EYS: variants seen among roughly 807,000 people sequenced by gnomAD.
EYS encodes the protein protein eyes shut homolog.
A neutral mutation model predicts 282.1 loss-of-function variants in EYS; 250 were observed. That is an observed-to-expected ratio of 0.89 (90% CI 0.80 to 0.98). EYS has a LOEUF of 0.98. Ranked by LOEUF, EYS falls within the 50% of genes least tolerant of loss-of-function variation. The pLI is 0.00. For missense variants in EYS, 4,016 were observed against 3,709.0 expected, an observed-to-expected ratio of 1.08 and a Z score of -2.15; for synonymous variants, 1,355 against 1,282.9, an observed-to-expected ratio of 1.06 and a Z score of -1.20.
rs115966462 is a variant in EYS at position 64,772,224 on chromosome 6, C to T, written c.3443+41154G>A. Among the ~76,000 whole-genome samples, 598 of 151,814 alleles carry T rather than the reference C, an allele frequency of 3.9e-3. 6 individuals are homozygous for T. The highest frequency in any genetic ancestry group is 0.014 in the African/African-American group (581 of 41,492). On this transcript the variant is annotated intron_variant, in intron 22 of 42. Transcript: ENST00000503581. ...TGGGGTAGACTTTCATACATTCTCT[C>T]CTATATCAGCTGTCCTGTTTAGCAT...
rs535326581 is a variant in EYS at position 65,558,473 on chromosome 6, A to C, written c.-332-62480T>G. On this transcript the variant is annotated intron_variant, in intron 2 of 42. Transcript: ENST00000503581. ...GCAGGGGGTTTCCCAGGATCCCAAG[A>C]GCACAAGGATATCTGGGTCAGGAGC... 2.0e-5 allele frequency among the ~76,000 whole-genome samples: 3 copies of C among 152,258 alleles called. No individual in the cohort carries two copies. In the South Asian group the frequency reaches 6.2e-4, roughly 32 times the overall value.
intron 26 of EYS, among the ~76,000 whole-genome samples, chr6:64,557,061 C>T (rs949426192): frequency 4.6e-5 from 7 of 151,660 alleles, no homozygotes; most frequent in African/African-American, 1.5e-4. Context: ...ATAACAATAC[C>T]TTTTTAAGTA....
intron 22 of EYS, among the ~76,000 whole-genome samples, chr6:64,729,663 A>G (rs969224411): frequency 6.6e-6 from 1 of 152,222 alleles, no homozygotes; most frequent in Non-Finnish European, 1.5e-5. Flanking sequence ...AGTTTGGTAT[A>G]AAAGTAATCA....
intron 2 of EYS, among the ~76,000 whole-genome samples, chr6:65,564,243 G>A (rs1465232891): frequency 6.6e-6 from 1 of 152,002 alleles, no homozygotes; most frequent in East Asian, 1.9e-4. Flanking sequence ...AGTAATCATT[G>A]ACTTTCTTCA....
chr6:65,449,518 G>A (rs1019228687), intron 5 of EYS, among the ~76,000 whole-genome samples: 2 of 152,020 alleles, frequency 1.3e-5, no homozygotes, highest in Non-Finnish European at 2.9e-5. Flanking sequence ...ATTAAGGTTA[G>A]TATACATTGT....
intron 31 of EYS, among the ~76,000 whole-genome samples, chr6:64,120,357 T>TAAAAAAAA (rs34632243): frequency 3.9e-5 from 3 of 76,760 alleles, no homozygotes; most frequent in African/African-American, 1.2e-4. Flanking sequence ...CTCCATCTCT[T>TAAAAAAAA]AAAAAAAAAA....
rs546429764 is a variant in EYS at position 64,878,251 on chromosome 6, T to C, written c.2992+8446A>G. Among the ~76,000 whole-genome samples, 31 of 151,950 alleles carry C rather than the reference T, an allele frequency of 2.0e-4. No individual in the cohort carries two copies. In the East Asian group the frequency reaches 5.6e-3, roughly 28 times the overall value. On this transcript the variant is annotated intron_variant, in intron 19 of 42. Transcript: ENST00000503581. The stretch of plus-strand genomic sequence containing the variant: ...AAAAAAGAAAATATGATAATAATAA[T>C]GGAGAGAATCCATACAGCAGTAGGG...
In EYS at chr6:65,691,098, G is replaced by A. The variant is rs957820002; in HGVS notation, c.-448+16037C>T. 2.3e-4 allele frequency among the ~76,000 whole-genome samples: 34 copies of A among 150,142 alleles called. 1 individual carries two copies. Among genetic ancestry groups the A allele is most frequent in the African/African-American group, 8.0e-4 (33 of 41,142 alleles). On this transcript the variant is annotated intron_variant, in intron 1 of 42. Transcript: ENST00000503581. The stretch of plus-strand genomic sequence containing the variant: ...TTTATAATCCTTTGGGTATATCCTA[G>A]TAATGGGATCACTGGGTCAAATGGT...
intron 12 of EYS, among the ~76,000 whole-genome samples, chr6:65,267,790 C>A (rs1482099336): frequency 4.6e-5 from 7 of 151,848 alleles, no homozygotes; most frequent in Admixed American, 3.3e-4. Flanking sequence ...AACAAACAAG[C>A]AAATGGAAAT....
chr6:63,720,892 CATGGTGCCAT>C lies in EYS; in HGVS notation c.9129_9138del (p.Trp3044Ter). 1 of 1,550,906 alleles carries C rather than the reference CATGGTGCCAT, an allele frequency of 6.4e-7. No homozygotes were observed. The highest frequency in any genetic ancestry group is 8.7e-7 in the Non-Finnish European group (1 of 1,146,416). ...AGAGTCTGATTTTGAATTACAACTA[CATGGTGCCAT>C]TTATTACAACAGAATGTGCCATTGT... On this transcript the variant is annotated frameshift_variant, in exon 43 of 43. Transcript: ENST00000503581. LOFTEE classifies it high-confidence loss of function.
chr6:64,728,447 GC>G (rs1771836962), intron 22 of EYS, among the ~76,000 whole-genome samples: 1 of 151,990 alleles, frequency 6.6e-6, no homozygotes. Flanking sequence ...CCATTCTCCT[GC>G]CTTAGCCTCC....
intron 35 of EYS, among the ~76,000 whole-genome samples, chr6:63,964,402 T>C (rs565611987): frequency 1.3e-5 from 2 of 152,222 alleles, no homozygotes; most frequent in Non-Finnish European, 2.9e-5. Context: ...AATTCCACAA[T>C]AAAAAAGATT....
intron 12 of EYS, among the ~76,000 whole-genome samples, chr6:65,129,550 A>C (rs982030164): frequency 2.0e-5 from 3 of 152,040 alleles, no homozygotes; most frequent in African/African-American, 2.4e-5. Flanking sequence ...TAGCCAACAA[A>C]CATAAAAAAA....
intron 32 of EYS, among the ~76,000 whole-genome samples, chr6:64,079,285 C>T (rs546014608): frequency 1.1e-4 from 17 of 152,136 alleles, no homozygotes; most frequent in Admixed American, 3.3e-4. Context: ...GCCTCTGCTC[C>T]TGGGGAATAA....
rs114064694 is a variant in EYS, at chr6:64,695,120, G to A, written c.3444-68875C>T. Among the ~76,000 whole-genome samples, 819 of 151,946 alleles carry A rather than the reference G, an allele frequency of 5.4e-3. 3 individuals carry two copies. The highest frequency in any genetic ancestry group is 9.2e-3 in the Non-Finnish European group (626 of 67,958). ...AGGCTGCCACTTGTCCCCACTATTG[G>A]CCATCTCAGCCCCATCCAACCCACC... On this transcript the variant is annotated intron_variant, in intron 22 of 42. Transcript: ENST00000503581.
chr6:64,181,794 T>C (rs143040432), intron 31 of EYS, among the ~76,000 whole-genome samples: 518 of 152,262 alleles, frequency 3.4e-3, no homozygotes, highest in Middle Eastern at 6.8e-3. Flanking sequence ...TTACTTTAAA[T>C]GGAAGATTTT....
At chr6:64,518,780 G>GC (rs34658444) in intron 26 of EYS, among the ~76,000 whole-genome samples, 27 of 147,614 alleles carry the variant, frequency 1.8e-4, no homozygotes, top group Admixed American at 4.8e-4. Context: ...TTTATAAGGG[G>GC]CCCCCCCCTT....
intron 2 of EYS, among the ~76,000 whole-genome samples, chr6:65,593,644 C>T (rs1765306746): frequency 6.6e-6 from 1 of 151,878 alleles, no homozygotes; most frequent in Non-Finnish European, 1.5e-5. Context: ...AAAGTCTATT[C>T]TTAAAATTCA....
At chr6:65,345,365 C>G (rs1770354991) in intron 9 of EYS, among the ~76,000 whole-genome samples, 2 of 151,674 alleles carry the variant, frequency 1.3e-5, no homozygotes, top group African/African-American at 2.4e-5. Context: ...GAGTAATTAA[C>G]TCAAACAGGA....
Sources: allele counts gnomAD v4.1 joint callset (sites outside exome capture counted in the v4.1 genomes callset), GRCh38; gene constraint gnomAD v4.1.1; transcripts MANE v1.5; gene names NCBI Gene and HGNC (gene_info 2026-07-23, HGNC 2026-07-21).